ZNFX1: variants seen among roughly 807,000 people sequenced by gnomAD.
ZNFX1 encodes NFX1-type zinc finger-containing protein 1.
In ZNFX1, 78 loss-of-function variants were observed where a neutral mutation model predicts 179.8. The observed-to-expected ratio is 0.43, with a 90% CI of 0.36 to 0.52. The LOEUF (loss-of-function observed/expected upper bound fraction) is 0.52. Among genes scored for constraint, ZNFX1 ranks in the 20% least tolerant of loss-of-function variants. The pLI is 0.00. For synonymous variants in ZNFX1, 848 were observed against 868.5 expected (o/e 0.98, Z 0.42); for missense variants, 1,927 against 2,386.6 (o/e 0.81, Z 4.01).
At chr20:49,251,698 G>T in intron 12 of ZNFX1, 76 bp from the exon 13 acceptor site, 1 of 1,351,178 alleles carries the variant, frequency 7.4e-7, no homozygotes, top group Non-Finnish European at 1.0e-6. Flanking sequence ...TAAGGTTGCT[G>T]TTAGAAAATT....
intron 4 of ZNFX1, among the ~76,000 whole-genome samples, chr20:49,265,347 T>C (rs550502192): frequency 3.3e-5 from 5 of 152,368 alleles, no homozygotes; most frequent in Non-Finnish European, 5.9e-5. Flanking sequence ...TCTGAAGATA[T>C]AGCAGTAGAA....
intron 8 of ZNFX1, 152 bp from the exon 9 acceptor site, chr20:49,256,099 G>C: frequency 2.0e-6 from 2 of 1,001,794 alleles, no homozygotes; most frequent in Non-Finnish European, 2.8e-6. Flanking sequence ...TTCCACTGTA[G>C]AGTGGCTAAA....
intron 6 of ZNFX1, among the ~76,000 whole-genome samples, chr20:49,261,397 T>A (rs1356709282): frequency 6.6e-6 from 1 of 152,160 alleles, no homozygotes; most frequent in Non-Finnish European, 1.5e-5. Flanking sequence ...AATGAGATCA[T>A]GTCCTTTGCG....
chr20:49,253,880 CT>C (rs1980903902), intron 10 of ZNFX1, 69 bp from the exon 11 acceptor site: 1 of 1,572,176 alleles, frequency 6.4e-7, no homozygotes, highest in Non-Finnish European at 8.6e-7. Flanking sequence ...CACTGGGCCT[CT>C]GGGAATCCAC....
At chr20:49,271,826 C>T in intron 2 of ZNFX1, 76 bp from the exon 3 acceptor site, 2 of 1,483,374 alleles carry the variant, frequency 1.3e-6, no homozygotes, top group Non-Finnish European at 9.0e-7. Flanking sequence ...AATGAACGTG[C>T]TTTCATTTTC....
chr20:49,255,061 A>T lies in ZNFX1; in HGVS notation c.2805-412T>A, dbSNP rs1266624702. On this transcript the variant is annotated intron_variant, in intron 9 of 13. Coordinates refer to ENST00000396105, the MANE Select transcript of ZNFX1 (RefSeq NM_021035.3). ...CTACTACTTTTTTTTTTTTTTTTTTAAAAGACGGAGTCTTGCTCTGTCACC... is the reference window on the plus strand; with the variant it reads ...CTACTACTTTTTTTTTTTTTTTTTTTAAAGACGGAGTCTTGCTCTGTCACC... 9.3e-3 allele frequency among the ~76,000 whole-genome samples: 712 copies of T among 76,536 alleles called. 8 individuals are homozygous for T. The highest frequency in any genetic ancestry group is 0.042 in the Middle Eastern group (6 of 144). The allele number at this position is 76,536 out of a possible 152,430, so 50.2% of individuals were successfully genotyped here. A position where few individuals can be genotyped will look rare whatever the true frequency, so the allele number is the denominator to read the frequency against.
rs749954020 is a variant in ZNFX1 at position 49,271,458 on chromosome 20, T to G, written c.354A>C (p.Pro118=). 6.2e-7 allele frequency: 1 copy of G among 1,614,170 alleles called. No homozygotes were observed. The highest frequency in any genetic ancestry group is 1.1e-5 in the South Asian group (1 of 91,084). ...ACTGCTGGAAGTTGTCATTGGACCA[T>G]GGTGGTCTGCGGTTCCTACAGTCCT... ...GNQDCRNRRP[P]WSNDNFQQWR... The change falls in exon 3 of 14, where the codon CCA becomes CCC. Residue 118 remains proline, a synonymous_variant. Coordinates refer to ENST00000396105, the MANE Select transcript of ZNFX1 (RefSeq NM_021035.3).
chr20:49,273,589 A>G (rs1981479509), intron 2 of ZNFX1, among the ~76,000 whole-genome samples: 1 of 152,224 alleles, frequency 6.6e-6, no homozygotes, highest in Non-Finnish European at 1.5e-5. Flanking sequence ...TCTGATTAGA[A>G]GACTCTATGT....
chr20:49,275,670 A>G, intron 2 of ZNFX1, 109 bp downstream of exon 2: 1 of 1,051,972 alleles, frequency 9.5e-7, no homozygotes, highest in Non-Finnish European at 1.4e-6. Flanking sequence ...GTCATTCTTT[A>G]CTTGAGAGAT....
At chr20:49,265,182 A>G (rs984278489) in intron 4 of ZNFX1, among the ~76,000 whole-genome samples, 2 of 152,180 alleles carry the variant, frequency 1.3e-5, no homozygotes, top group Non-Finnish European at 2.9e-5. Context: ...AGAGATGGCA[A>G]TATCTCCCAT....
chr20:49,250,711 C>T (rs1044649438), intron 13 of ZNFX1, among the ~76,000 whole-genome samples: 2 of 152,016 alleles, frequency 1.3e-5, no homozygotes, highest in African/African-American at 4.8e-5. Context: ...ACCACCATGC[C>T]CAGTTAATTT....
At position 49,269,923 on chromosome 20, in the gene ZNFX1, C is replaced by G; in HGVS notation, c.1870+19G>C. ...TCTTACAAAGCAGATCTTATGTACT[C>G]TAAAAAATTTTGTCTTACCTGTTCC... On this transcript the variant is annotated intron_variant, in intron 3 of 13. Transcript: ENST00000396105. 1 of 1,569,464 alleles carries G rather than the reference C, an allele frequency of 6.4e-7. No homozygotes were observed. The highest frequency in any genetic ancestry group is 1.2e-5 in the South Asian group (1 of 85,250).
intron 8 of ZNFX1, 105 bp from the exon 9 acceptor site, chr20:49,256,052 G>C (rs892248515): frequency 8.1e-6 from 11 of 1,366,004 alleles, no homozygotes; most frequent in Non-Finnish European, 1.1e-5. Context: ...TGGCATCACT[G>C]ATTAATGTCA....
rs1024605736 is a variant in ZNFX1, at chr20:49,248,653, G to A, written c.4371C>T (p.Phe1457=). ...TGCAGGGCTGCTGACAGCGTTCATGGAAACGCCCTTCGAAGCAGCTGTGGC... is the reference window on the plus strand; with the variant it reads ...TGCAGGGCTGCTGACAGCGTTCATGAAAACGCCCTTCGAAGCAGCTGTGGC... The part of the protein sequence containing the change: ...GSCHSCFEGR[F]HERCQQPCKR... The change falls in exon 14 of 14, where the codon TTC becomes TTT. Residue 1457 remains phenylalanine, a synonymous_variant. Transcript: ENST00000396105. The surrounding 1 kb of genome is among the most constrained non-coding windows in gnomAD (Gnocchi z 4.6). 6.2e-7 allele frequency: 1 copy of A among 1,613,742 alleles called. No homozygotes were observed. The highest frequency in any genetic ancestry group is 8.5e-7 in the Non-Finnish European group (1 of 1,180,038).
chr20:49,258,725 G>A (rs1430475760), intron 7 of ZNFX1, among the ~76,000 whole-genome samples: 4 of 152,116 alleles, frequency 2.6e-5, no homozygotes, highest in Admixed American at 2.6e-4. Flanking sequence ...AGAATCACTT[G>A]AACCCAGGAG....
intron 7 of ZNFX1, 24 bp from the exon 8 acceptor site, chr20:49,257,688 G>T: frequency 6.3e-7 from 1 of 1,580,866 alleles, no homozygotes. Flanking sequence ...ACAGGCAGGA[G>T]AGAGATGAAA....
At position 49,263,326 on chromosome 20, in the gene ZNFX1, AC is replaced by A; in HGVS notation, c.2301+7del. 6.2e-7 allele frequency: 1 copy of A among 1,612,288 alleles called. No individual in the cohort carries two copies. The highest frequency in any genetic ancestry group is 1.1e-5 in the South Asian group (1 of 91,010). ...AGACATATTTGTGTCCCCCAGGATG[AC>A]CCCTACCTGCACTGGTCCATTCATG... is the stretch of plus-strand genomic sequence containing the variant. On this transcript the variant is annotated splice_region_variant and intron_variant, in intron 6 of 13. Coordinates refer to ENST00000396105, the MANE Select transcript of ZNFX1 (RefSeq NM_021035.3).
intron 6 of ZNFX1, among the ~76,000 whole-genome samples, chr20:49,261,001 A>G (rs996539050): frequency 6.6e-6 from 1 of 152,204 alleles, no homozygotes; most frequent in African/African-American, 2.4e-5. Flanking sequence ...GAACTGCTTG[A>G]ACCCGGGAGG....
In ZNFX1 at chr20:49,270,083, A is replaced by T. The variant is rs1981341650; in HGVS notation, c.1729T>A (p.Leu577Met). 1 of 1,614,238 alleles carries T rather than the reference A, an allele frequency of 6.2e-7. No homozygotes were observed. Among genetic ancestry groups the T allele is most frequent in the Non-Finnish European group, 8.5e-7 (1 of 1,180,026 alleles). Residue 577 changes from leucine to methionine, a missense_variant, in exon 3 of 14, where the codon TTG becomes ATG. By Grantham distance (15) the Leu-to-Met change is conservative. Coordinates refer to ENST00000396105, the MANE Select transcript of ZNFX1 (RefSeq NM_021035.3). This position sits in a 1 kb window ranked among gnomAD's most constrained non-coding sequence, Gnocchi z 4.6. ...AAGACATTAATTCTGGGATGTCTCA[A>T]ACCCTCGACATTTCTTAGAAATTCC... ...TGEFLRNVEG[L>M]RHPRINVLDP...
Sources: allele counts gnomAD v4.1 joint callset (sites outside exome capture counted in the v4.1 genomes callset), GRCh38; gene constraint gnomAD v4.1.1; non-coding constraint Gnocchi (gnomAD v3.1); transcripts MANE v1.5; gene names NCBI Gene and HGNC (gene_info 2026-07-23, HGNC 2026-07-21).